Variants in PLEKHA4 observed in about 807,000 individuals in gnomAD.
The protein encoded by PLEKHA4 is pleckstrin homology domain-containing family A member 4.
PLEKHA4 carries 73 observed loss-of-function variants against 94.7 expected under a neutral mutation model. That is an observed-to-expected ratio of 0.77 (90% confidence interval 0.64 to 0.94). The LOEUF (loss-of-function observed/expected upper bound fraction) is 0.94. PLEKHA4 is among the 40% of genes least tolerant of loss of function. The pLI is 0.00. For synonymous variants in PLEKHA4, 449 were observed against 437.1 expected (o/e 1.03, Z -0.34); for missense variants, 1,049 against 1,054.1 (o/e 1.00, Z 0.07).
chr19:48,844,330 T>C, intron 16 of PLEKHA4: 2 of 418,188 alleles, frequency 4.8e-6, no homozygotes, highest in Non-Finnish European at 6.4e-6. Context: ...AATTTTTGTA[T>C]TTTTGTAGAG....
At chr19:48,860,581 G>A in intron 5 of PLEKHA4, 122 bp from the exon 6 acceptor site, 1 of 709,510 alleles carries the variant, frequency 1.4e-6, no homozygotes, top group Non-Finnish European at 2.5e-6. Flanking sequence ...AGGATGGCTT[G>A]AGACCAGCCT....
intron 16 of PLEKHA4, among the ~76,000 whole-genome samples, chr19:48,843,660 TA>T (rs1183227522): frequency 1.1e-4 from 16 of 151,752 alleles, no homozygotes; most frequent in Non-Finnish European, 2.4e-4. Flanking sequence ...TTTTATTTTT[TA>T]TTTTTTTATT....
intron 18 of PLEKHA4, 83 bp from the exon 19 acceptor site, chr19:48,838,212 GATGA>G (rs1344333775): frequency 2.2e-5 from 17 of 761,892 alleles, no homozygotes; most frequent in Non-Finnish European, 3.3e-5. Flanking sequence ...AAAAGAAAAG[GATGA>G]ATAAGACCTA....
intron 2 of PLEKHA4, 124 bp from the exon 3 acceptor site, chr19:48,865,734 G>T: frequency 1.6e-6 from 1 of 632,378 alleles, no homozygotes; most frequent in South Asian, 2.0e-5. Flanking sequence ...TCAAGGACCA[G>T]CCGGGCGCAG....
At chr19:48,849,147 C>A (rs997427608) in intron 13 of PLEKHA4, among the ~76,000 whole-genome samples, 2 of 152,118 alleles carry the variant, frequency 1.3e-5, no homozygotes, top group African/African-American at 4.8e-5. Context: ...CTCAGGTGAT[C>A]CACCTGCCTC....
At chr19:48,850,671 G>T (rs1034766731) in intron 13 of PLEKHA4, among the ~76,000 whole-genome samples, 2 of 150,910 alleles carry the variant, frequency 1.3e-5, no homozygotes, top group Non-Finnish European at 2.9e-5. Context: ...TACAAAATTA[G>T]CCAGACATGG....
intron 9 of PLEKHA4, among the ~76,000 whole-genome samples, chr19:48,855,312 A>G (rs2036359764): frequency 6.6e-6 from 1 of 151,108 alleles, no homozygotes; most frequent in African/African-American, 2.4e-5. Context: ...AAATAAAAAT[A>G]AAAAAATAGG....
rs142951468 is a variant in PLEKHA4, at chr19:48,868,359, CCTCTCTCT to C, written c.-291_-284del. The C allele has an allele frequency of 6.7e-6, 1 of 149,932 alleles. No individual in the cohort carries two copies. The highest frequency in any genetic ancestry group is 2.5e-5 in the African/African-American group (1 of 40,714). 9.3% of individuals were successfully genotyped at this position (149,932 alleles called of 1,614,324 possible). Reference sequence around the variant, plus strand: ...CAGTCTCTCTCTCACTCATTCTCTCCCTCTCTCTCTCTCTCCAATCTTTCTGTTTCTGT... The same window carrying C: ...CAGTCTCTCTCTCACTCATTCTCTCCCTCTCTCCAATCTTTCTGTTTCTGT... On this transcript the variant is annotated 5_prime_UTR_variant, in exon 1 of 20. Coordinates refer to ENST00000263265, the MANE Select transcript of PLEKHA4 (RefSeq NM_020904.3).
intron 16 of PLEKHA4, among the ~76,000 whole-genome samples, chr19:48,843,806 T>C (rs1285270940): frequency 4.0e-5 from 6 of 151,366 alleles, no homozygotes; most frequent in Admixed American, 2.6e-4. Flanking sequence ...TACAGGTGCG[T>C]GCTGCTACAC....
chr19:48,841,857 G>A (rs1478141929), intron 16 of PLEKHA4, among the ~76,000 whole-genome samples: 1 of 152,120 alleles, frequency 6.6e-6, no homozygotes, highest in African/African-American at 2.4e-5. Context: ...GAGGCAGGGG[G>A]ATCACTTAAG....
In PLEKHA4 at chr19:48,847,869, T is replaced by C. The variant is rs756977000; in HGVS notation, c.1566+31A>G. ...GTCAAGGACAGGTGGGACATGAAGC[T>C]TGGGGTGGGGAGGAATTATGTGCGT... On this transcript the variant is annotated intron_variant, in intron 14 of 19. Coordinates refer to ENST00000263265, the MANE Select transcript of PLEKHA4 (RefSeq NM_020904.3). 4 of 1,526,328 alleles carry C rather than the reference T, an allele frequency of 2.6e-6. No homozygotes were observed. The East Asian group carries it at 7.0e-5, about 27-fold the overall frequency. The allele number at this position is 1,526,328 out of a possible 1,614,324, so 94.5% of individuals were successfully genotyped here. A position where few individuals can be genotyped will look rare whatever the true frequency, so the allele number is the denominator to read the frequency against.
chr19:48,853,671 C>G lies in PLEKHA4; in HGVS notation c.1326+11G>C, dbSNP rs2036289175. 2 of 1,538,658 alleles carry G rather than the reference C, an allele frequency of 1.3e-6. No homozygotes were observed. Among genetic ancestry groups the G allele is most frequent in the African/African-American group, 1.4e-5 (1 of 73,046 alleles). The stretch of plus-strand genomic sequence containing the variant: ...CCTCCTAGGAGGGCAGGCCCCTTCC[C>G]AGGTGCTCACCTGAGTCAAGTGACA... On this transcript the variant is annotated intron_variant, in intron 12 of 19. Coordinates refer to ENST00000263265, the MANE Select transcript of PLEKHA4 (RefSeq NM_020904.3).
Position 48,837,510 on chromosome 19 carries a change from G to T in PLEKHA4, c.2119C>A (p.Pro707Thr). The T allele has an allele frequency of 6.2e-7, 1 of 1,613,072 alleles. No individual in the cohort carries two copies. Among genetic ancestry groups the T allele is most frequent in the African/African-American group, 1.3e-5 (1 of 74,992 alleles). ...DSQGDPLPGV[P>T]LPPSDPTRQE... Reference sequence around the variant, plus strand: ...CGCGTGGGGTCCGAAGGAGGCAGCGGCACACCGGGAAGAGGGTCTCCCTGG... The same window carrying T: ...CGCGTGGGGTCCGAAGGAGGCAGCGTCACACCGGGAAGAGGGTCTCCCTGG... Residue 707 changes from proline (P) to threonine (T), a missense_variant, in exon 20 of 20, where the codon CCG (proline) becomes ACG (threonine). Transcript: ENST00000263265. The surrounding 1 kb of genome is among the most constrained non-coding windows in gnomAD (Gnocchi z 4.3).
rs113105695 is a variant in PLEKHA4 at position 48,867,959 on chromosome 19, G to A, written c.-7+124C>T. Reference sequence around the variant, plus strand: ...CCCTGCCTCCTTCCGGCTGCCCCAGGCTACCTGTCTCCCGCCCTCCCACAT... The same window carrying A: ...CCCTGCCTCCTTCCGGCTGCCCCAGACTACCTGTCTCCCGCCCTCCCACAT... On this transcript the variant is annotated intron_variant, in intron 1 of 19. Coordinates refer to ENST00000263265, the MANE Select transcript of PLEKHA4 (RefSeq NM_020904.3). The surrounding 1 kb of genome is among the most constrained non-coding windows in gnomAD (Gnocchi z 4.7). 3.3e-5 allele frequency: 9 copies of A among 270,678 alleles called. No homozygotes were observed. Among genetic ancestry groups the A allele is most frequent in the Non-Finnish European group, 3.5e-5 (5 of 141,292 alleles). 16.8% of individuals were successfully genotyped at this position (270,678 alleles called of 1,614,324 possible).
Position 48,850,080 on chromosome 19 carries a change from A to G in PLEKHA4, c.1426-2040T>C, listed in dbSNP as rs151144458. ...ACAAAAATTAGCCAGGCGTGGTGGC[A>G]CACGCCTGTAGTCCCAGCTAGAGGC... On this transcript the variant is annotated intron_variant, in intron 13 of 19. Coordinates refer to ENST00000263265, the MANE Select transcript of PLEKHA4 (RefSeq NM_020904.3). Among the ~76,000 whole-genome samples the G allele has an allele frequency of 5.8e-4, 88 of 152,112 alleles. 1 individual carries two copies. The highest frequency in any genetic ancestry group is 2.0e-3 in the African/African-American group (84 of 41,494).
intron 14 of PLEKHA4, among the ~76,000 whole-genome samples, chr19:48,846,575 T>G (rs1336340252): frequency 6.6e-6 from 1 of 151,830 alleles, no homozygotes; most frequent in Non-Finnish European, 1.5e-5. Flanking sequence ...AAGACCAGCC[T>G]AGGCAACATA....
chr19:48,864,405 T>C (rs1169384086), intron 3 of PLEKHA4, among the ~76,000 whole-genome samples: 19 of 151,486 alleles, frequency 1.3e-4, no homozygotes, highest in Non-Finnish European at 2.9e-5. Context: ...TGACCTCAGG[T>C]GATCCGCCCG....
rs116240942 is a variant in PLEKHA4 at position 48,860,258 on chromosome 19, C to T, written c.476+92G>A. ...TAGCTAGAAGACTGGTGATTGGACA[C>T]TCAAGGGGGCAGGGCCCCAAAGGGG... is the stretch of plus-strand genomic sequence containing the variant. On this transcript the variant is annotated intron_variant, in intron 6 of 19. Transcript: ENST00000263265. 2,464 of 1,112,908 alleles carry T rather than the reference C, an allele frequency of 2.2e-3. 46 individuals are homozygous for T. The African/African-American group carries it at 0.032, about 15-fold the overall frequency. 68.9% of individuals were successfully genotyped at this position (1,112,908 alleles called of 1,614,324 possible).
intron 3 of PLEKHA4, among the ~76,000 whole-genome samples, chr19:48,862,084 A>G (rs1159498118): frequency 6.6e-6 from 1 of 151,972 alleles, no homozygotes; most frequent in Non-Finnish European, 1.5e-5. Context: ...AGAAAGACCC[A>G]GAGAGACAGA....
Sources: gnomAD v4.1 joint callset for allele counts (sites outside exome capture counted in the v4.1 genomes callset) on GRCh38, gnomAD v4.1.1 for gene constraint, Gnocchi (gnomAD v3.1) non-coding constraint, MANE v1.5 for transcripts, NCBI Gene and HGNC (gene_info 2026-07-23, HGNC 2026-07-21) for gene names.